Variants in GBE1 observed in about 807,000 individuals in gnomAD.
The protein encoded by GBE1 is 1,4-alpha-glucan branching enzyme 1, also known as 1,4-alpha-glucan-branching enzyme.
GBE1 carries 70 observed loss-of-function variants against 88.8 expected under a neutral mutation model. The ratio of observed to expected loss-of-function variants is 0.79; its 90% confidence interval spans 0.65 to 0.96. The LOEUF is 0.96. Ranked by LOEUF, GBE1 falls within the 40% of genes least tolerant of loss-of-function variation. GBE1 has a pLI of 0.00. For missense variants in GBE1, 872 were observed against 871.0 expected, an observed-to-expected ratio of 1.00 and a Z score of -0.01; for synonymous variants, 284 against 300.1, an observed-to-expected ratio of 0.95 and a Z score of 0.56.
intron 1 of GBE1, among the ~76,000 whole-genome samples, chr3:81,712,476 G>T (rs1335839550): frequency 6.6e-6 from 1 of 152,016 alleles, no homozygotes; most frequent in Non-Finnish European, 1.5e-5. Flanking sequence ...CCATAAAAAA[G>T]GATGAGTTCG....
intron 1 of GBE1, among the ~76,000 whole-genome samples, chr3:81,712,524 C>T (rs1364862839): frequency 6.6e-6 from 1 of 152,004 alleles, no homozygotes; most frequent in African/African-American, 2.4e-5. Context: ...TGGAAACCAT[C>T]ATTCTCAGCA....
intron 2 of GBE1, among the ~76,000 whole-genome samples, chr3:81,672,230 A>G (rs1705199392): frequency 6.6e-6 from 1 of 152,060 alleles, no homozygotes; most frequent in Non-Finnish European, 1.5e-5. Flanking sequence ...AATTGAAGAT[A>G]TCTTAACCCC....
chr3:81,529,215 ACAAG>A (rs1468458558), intron 14 of GBE1, among the ~76,000 whole-genome samples: 6 of 152,078 alleles, frequency 3.9e-5, no homozygotes, highest in African/African-American at 1.4e-4. Context: ...GCAAAAACAA[ACAAG>A]CAAAGAGAAA....
intron 7 of GBE1, among the ~76,000 whole-genome samples, chr3:81,621,121 A>G (rs893287179): frequency 6.6e-6 from 1 of 152,208 alleles, no homozygotes; most frequent in Admixed American, 6.5e-5. Context: ...TATAAGCAAC[A>G]GAAAAGACAC....
chr3:81,514,960 T>G (rs28376847), intron 14 of GBE1, among the ~76,000 whole-genome samples: 2,514 of 151,564 alleles, frequency 0.017, 71 homozygotes, highest in African/African-American at 0.057. Flanking sequence ...TAAAACACAC[T>G]GGTATCAGGT....
intron 1 of GBE1, among the ~76,000 whole-genome samples, chr3:81,711,156 T>C (rs552472009): frequency 6.6e-6 from 1 of 152,332 alleles, no homozygotes; most frequent in Non-Finnish European, 1.5e-5. Context: ...GGATCATCCC[T>C]TACCTGGAAA....
In GBE1 at chr3:81,723,072, C is replaced by T. The variant is rs146355716; in HGVS notation, c.144-17459G>A. On this transcript the variant is annotated intron_variant, in intron 1 of 15. Transcript: ENST00000429644. ...TGGAACAAAATAAAAATGAAAAAAACGTGGTACCTGTCTTCAAGAAATTAC... is the reference window on the plus strand; with the variant it reads ...TGGAACAAAATAAAAATGAAAAAAATGTGGTACCTGTCTTCAAGAAATTAC... Among the ~76,000 whole-genome samples, 582 of 151,410 alleles carry T rather than the reference C, an allele frequency of 3.8e-3. 2 individuals carry two copies. Among genetic ancestry groups the T allele is most frequent in the African/African-American group, 0.013 (557 of 41,310 alleles).
At chr3:81,577,864 T>C (rs1465289803) in intron 12 of GBE1, 61 bp downstream of exon 12, 46 of 1,332,944 alleles carry the variant, frequency 3.5e-5, no homozygotes, top group Non-Finnish European at 4.3e-5. Context: ...TCTACATGAT[T>C]TATGTCATTA....
chr3:81,638,764 T>C (rs1704629135), intron 7 of GBE1, among the ~76,000 whole-genome samples: 2 of 152,156 alleles, frequency 1.3e-5, no homozygotes, highest in African/African-American at 4.8e-5. Context: ...CTGGTATTAC[T>C]CAGAGTAAGA....
intron 1 of GBE1, among the ~76,000 whole-genome samples, chr3:81,754,997 G>C (rs1706582384): frequency 6.6e-6 from 1 of 152,032 alleles, no homozygotes; most frequent in African/African-American, 2.4e-5. Flanking sequence ...AAGCTAAAAA[G>C]CTTCTGCACA....
chr3:81,677,911 T>C (rs1456384458), intron 2 of GBE1, among the ~76,000 whole-genome samples: 1 of 152,182 alleles, frequency 6.6e-6, no homozygotes, highest in Non-Finnish European at 1.5e-5. Flanking sequence ...AGAGTGCCAC[T>C]AAATTCAGAA....
At chr3:81,547,179 C>G (rs1054475589) in intron 12 of GBE1, among the ~76,000 whole-genome samples, 2 of 151,362 alleles carry the variant, frequency 1.3e-5, no homozygotes, top group African/African-American at 4.8e-5. Flanking sequence ...GAGGCAGAGT[C>G]TCTCCTAAGA....
intron 15 of GBE1, among the ~76,000 whole-genome samples, chr3:81,491,515 A>AT (rs780675252): frequency 5.9e-5 from 9 of 152,186 alleles, no homozygotes; most frequent in African/African-American, 1.4e-4. Context: ...ATATATCTGA[A>AT]TTTTTTTATA....
chr3:81,698,068 A>G (rs78242412), intron 2 of GBE1, among the ~76,000 whole-genome samples: 57,006 of 143,910 alleles, frequency 0.4, 11,434 homozygotes, highest in East Asian at 0.52. Context: ...ATATATGTGT[A>G]TATATATATA....
intron 2 of GBE1, among the ~76,000 whole-genome samples, chr3:81,674,379 T>G (rs1227596616): frequency 6.6e-6 from 1 of 151,944 alleles, no homozygotes; most frequent in Non-Finnish European, 1.5e-5. Flanking sequence ...TCATTGGATT[T>G]GGATCTGTGC....
intron 12 of GBE1, among the ~76,000 whole-genome samples, chr3:81,542,987 C>T (rs777097184): frequency 2.0e-5 from 3 of 151,886 alleles, no homozygotes; most frequent in Non-Finnish European, 4.4e-5. Flanking sequence ...GGTAATGTAA[C>T]TCAATTTAAG....
At chr3:81,563,280 T>C (rs918389519) in intron 12 of GBE1, among the ~76,000 whole-genome samples, 1 of 152,104 alleles carries the variant, frequency 6.6e-6, no homozygotes, top group Non-Finnish European at 1.5e-5. Context: ...ATAACAAGCA[T>C]TACTAATATA....
At chr3:81,520,130 T>C (rs1702853473) in intron 14 of GBE1, among the ~76,000 whole-genome samples, 1 of 151,388 alleles carries the variant, frequency 6.6e-6, no homozygotes, top group African/African-American at 2.4e-5. Context: ...CTCTACAACG[T>C]GCCTTATAGT....
At position 81,577,970 on chromosome 3, in the gene GBE1, G is replaced by A; in HGVS notation, c.1573C>T (p.Leu525Phe). ...RGIQLHKMIR[L>F]ITHGLGGEGY... The stretch of plus-strand genomic sequence containing the variant: ...TCTCCACCAAGCCCATGCGTAATGA[G>A]TCGAATCATTTTATGAAGCTGTATT... Residue 525 changes from leucine to phenylalanine, a missense_variant, in exon 12 of 16, where the codon CTC becomes TTC. By Grantham distance (22) the Leu-to-Phe change is conservative (BLOSUM62 0). Transcript: ENST00000429644. 1 of 1,608,712 alleles carries A rather than the reference G, an allele frequency of 6.2e-7. No homozygotes were observed. The highest frequency in any genetic ancestry group is 1.3e-5 in the African/African-American group (1 of 74,666).
Sources: allele counts gnomAD v4.1 joint callset (sites outside exome capture counted in the v4.1 genomes callset), GRCh38; gene constraint gnomAD v4.1.1; transcripts MANE v1.5; gene names NCBI Gene and HGNC (gene_info 2026-07-23, HGNC 2026-07-21).